The following SEMA4D variants were observed in gnomAD, a reference collection of about 807,000 sequenced individuals.
SEMA4D encodes the protein semaphorin-4D.
SEMA4D carries 22 observed loss-of-function variants against 74.8 expected under a neutral mutation model. That is an observed-to-expected ratio of 0.29 (90% CI 0.21 to 0.42). The LOEUF (loss-of-function observed/expected upper bound fraction) is 0.42. SEMA4D is among the 10% of genes least tolerant of loss of function. The pLI is 1.00. For synonymous variants in SEMA4D, 445 were observed against 463.7 expected (o/e 0.96, Z 0.52); for missense variants, 937 against 1,118.4 (o/e 0.84, Z 2.31).
At chr9:89,375,866 A>G (rs1216495490), downstream of SEMA4D, among the ~76,000 whole-genome samples, 2 of 152,174 alleles carry the variant, frequency 1.3e-5, no homozygotes, top group Non-Finnish European at 1.5e-5. Context: ...CTGTTTTTAT[A>G]ATGATGATGA....
chr9:89,407,525 T>TA (rs1387568738), intron 2 of SEMA4D, among the ~76,000 whole-genome samples: 15 of 152,316 alleles, frequency 9.8e-5, no homozygotes, highest in African/African-American at 3.6e-4. Context: ...TACCAACAAA[T>TA]ACCATTCCAA....
chr9:89,415,703 GATAA>G (rs1045222498), intron 2 of SEMA4D, among the ~76,000 whole-genome samples: 99 of 152,284 alleles, frequency 6.5e-4, no homozygotes, highest in African/African-American at 2.2e-3. Context: ...CTCCGGAATG[GATAA>G]ATAAATGTCT....
At chr9:89,429,273 T>C (rs1848742059) in intron 2 of SEMA4D, among the ~76,000 whole-genome samples, 1 of 152,184 alleles carries the variant, frequency 6.6e-6, no homozygotes, top group South Asian at 2.1e-4. Context: ...AAGAAGCCTC[T>C]AATCCTAGCT....
chr9:89,395,601 G>A (rs952303183), intron 6 of SEMA4D, among the ~76,000 whole-genome samples: 9 of 151,860 alleles, frequency 5.9e-5, no homozygotes, highest in South Asian at 4.2e-4. Context: ...TGGTCCAACC[G>A]TACTTTCTGC....
At chr9:89,474,009 A>G (rs1317696255) in intron 1 of SEMA4D, among the ~76,000 whole-genome samples, 2 of 152,158 alleles carry the variant, frequency 1.3e-5, no homozygotes, top group Admixed American at 1.3e-4. Flanking sequence ...GAAGTAGGAC[A>G]GAGAGAAGAC....
intron 6 of SEMA4D, 105 bp downstream of exon 6, chr9:89,396,632 A>AC: frequency 1.1e-6 from 1 of 913,980 alleles, no homozygotes; most frequent in Non-Finnish European, 1.6e-6. Flanking sequence ...AGAAAATCCT[A>AC]TTTTTTTTTA....
downstream of SEMA4D, chr9:89,377,190 G>A (rs1835926334): frequency 2.2e-6 from 3 of 1,338,318 alleles, no homozygotes; most frequent in Admixed American, 9.5e-5. Context: ...GGCCATGCAG[G>A]GGCGGGAGGC....
At position 89,491,562 on chromosome 9, in the gene SEMA4D, C is replaced by G. The variant is rs191680407; in HGVS notation, c.-310+6357G>C. 1.8e-3 allele frequency among the ~76,000 whole-genome samples: 271 copies of G among 148,614 alleles called. 1 individual carries two copies. Among genetic ancestry groups the G allele is most frequent in the African/African-American group, 6.5e-3 (260 of 40,166 alleles). ...GCCAGCCTGGCGACAGAGCAAGACTCTGTCTCAAAAACAACAACAACAACA... is the reference window on the plus strand; with the variant it reads ...GCCAGCCTGGCGACAGAGCAAGACTGTGTCTCAAAAACAACAACAACAACA... On this transcript the variant is annotated intron_variant, in intron 1 of 15. Transcript: ENST00000422704.
At chr9:89,382,938 C>T (rs1051906583) in intron 13 of SEMA4D, among the ~76,000 whole-genome samples, 4 of 152,168 alleles carry the variant, frequency 2.6e-5, no homozygotes, top group African/African-American at 9.7e-5. Context: ...GGATCCAGAC[C>T]ACCTCCTGCA....
At chr9:89,434,598 T>G (rs559451796) in intron 2 of SEMA4D, among the ~76,000 whole-genome samples, 2 of 152,292 alleles carry the variant, frequency 1.3e-5, no homozygotes, top group African/African-American at 4.8e-5. Flanking sequence ...GCCTCTCTCA[T>G]AAGAAAACTC....
At chr9:89,375,222 G>T (rs7019349), downstream of SEMA4D, among the ~76,000 whole-genome samples, 851 of 152,264 alleles carry the variant, frequency 5.6e-3, 8 homozygotes, top group African/African-American at 0.02. Context: ...CCAGTGCTGC[G>T]ACAGGACACA....
In SEMA4D at chr9:89,396,866, C is replaced by A. The variant is rs758865640; in HGVS notation, c.316-31G>T. The A allele has an allele frequency of 3.8e-6, 6 of 1,584,662 alleles. No homozygotes were observed. In the South Asian group the frequency reaches 6.8e-5, roughly 18 times the overall value. On this transcript the variant is annotated intron_variant, in intron 5 of 15. Transcript: ENST00000422704. The stretch of plus-strand genomic sequence containing the variant: ...GGGAAGAGAAATGCACCATTAGCAA[C>A]CGTCCAGCCCAGATGCCCTCCACTA...
rs571765210 is a variant in SEMA4D at position 89,470,340 on chromosome 9, TCAC to T, written c.-309-14390_-309-14388del. Among the ~76,000 whole-genome samples the T allele has an allele frequency of 5.3e-5, 8 of 152,314 alleles. No individual in the cohort carries two copies. The East Asian group carries it at 1.2e-3, about 22-fold the overall frequency. ...TATGAGCAAGACTTCAACAGATACT[TCAC>T]CAAAGAGGATACACAGATGGCAAAT... On this transcript the variant is annotated intron_variant, in intron 1 of 15. Transcript: ENST00000422704.
At position 89,498,035 on chromosome 9, in the gene SEMA4D, G is replaced by T. The variant is rs1392714524; in HGVS notation, c.-426C>A. On this transcript the variant is annotated 5_prime_UTR_variant, in exon 1 of 16. Coordinates refer to ENST00000422704, the MANE Select transcript of SEMA4D (RefSeq NM_001371194.2). Reference sequence around the variant, plus strand: ...GCGGCCGGGCCGGGGAGGGGGTGGCGGGGAGGCCCGGCGGCGGCAGCGGCG... The same window carrying T: ...GCGGCCGGGCCGGGGAGGGGGTGGCTGGGAGGCCCGGCGGCGGCAGCGGCG... 1 of 147,722 alleles carries T rather than the reference G, an allele frequency of 6.8e-6. No homozygotes were observed. Among genetic ancestry groups the T allele is most frequent in the Non-Finnish European group, 1.5e-5 (1 of 66,028 alleles). The allele number at this position is 147,722 out of a possible 1,614,324, so 9.2% of individuals were successfully genotyped here.
intron 2 of SEMA4D, among the ~76,000 whole-genome samples, chr9:89,409,800 T>C (rs555395944): frequency 1.3e-5 from 2 of 152,274 alleles, no homozygotes; most frequent in African/African-American, 4.8e-5. Flanking sequence ...TGGGATCTAA[T>C]TCCTATCTAG....
chr9:89,431,273 C>A (rs574721929), intron 2 of SEMA4D, among the ~76,000 whole-genome samples: 2 of 152,162 alleles, frequency 1.3e-5, no homozygotes, highest in Non-Finnish European at 2.9e-5. Flanking sequence ...CCTGCTCCTG[C>A]GGGTGAGCCA....
At chr9:89,376,939 C>G (rs544520252), downstream of SEMA4D, 376 of 1,550,658 alleles carry the variant, frequency 2.4e-4, no homozygotes, top group Non-Finnish European at 3.2e-4. Context: ...TGTCGGGCCC[C>G]GCACCCGAGG....
At chr9:89,433,495 G>C (rs1389188182) in intron 2 of SEMA4D, among the ~76,000 whole-genome samples, 1 of 152,238 alleles carries the variant, frequency 6.6e-6, no homozygotes, top group Non-Finnish European at 1.5e-5. Context: ...AAGACAGCTG[G>C]TGCCACATGC....
intron 2 of SEMA4D, chr9:89,450,139 T>A: frequency 7.9e-7 from 1 of 1,265,732 alleles, no homozygotes. Context: ...AAGCAGCATG[T>A]CATCGATGGA....
Sources: gnomAD v4.1 joint callset for allele counts (sites outside exome capture counted in the v4.1 genomes callset) on GRCh38, gnomAD v4.1.1 for gene constraint, MANE v1.5 for transcripts, NCBI Gene and HGNC (gene_info 2026-07-23, HGNC 2026-07-21) for gene names.